Variants in CDH18 observed in about 807,000 individuals in gnomAD.
The protein encoded by CDH18 is cadherin 18.
A neutral mutation model predicts 67.9 loss-of-function variants in CDH18; 31 were observed. The observed-to-expected ratio is 0.46, with a 90% confidence interval of 0.34 to 0.62. The LOEUF (loss-of-function observed/expected upper bound fraction) is 0.62. Ranked by LOEUF, CDH18 falls within the 20% of genes least tolerant of loss-of-function variation. The pLI is 0.01. For missense variants in CDH18, 890 were observed against 975.5 expected, an observed-to-expected ratio of 0.91 and a Z score of 1.17; for synonymous variants, 362 against 347.2, an observed-to-expected ratio of 1.04 and a Z score of -0.48.
Position 20,337,939 on chromosome 5 carries a change from G to A in CDH18, c.-579-82434C>T, listed in dbSNP as rs373928055. ...CACAATCATGGTTGAAGGCAAAGAA[G>A]AGCAAGTCAAGTCTTACATGGATGG... On this transcript the variant is annotated intron_variant, in intron 1 of 14. Transcript: ENST00000507958. Among the ~76,000 whole-genome samples, 8 of 152,350 alleles carry A rather than the reference G, an allele frequency of 5.3e-5. 2 individuals carry two copies. The East Asian group carries it at 1.5e-3, about 29-fold the overall frequency.
At position 20,022,327 on chromosome 5, in the gene CDH18, A is replaced by G. The variant is rs4552603; in HGVS notation, c.-517-30313T>C. ...GGTAAGGTTTGGAACCTAATTTGCC[A>G]ATGTAAGGATTATGAAATACATTGC... On this transcript the variant is annotated intron_variant, in intron 2 of 14. Transcript: ENST00000507958. Among the ~76,000 whole-genome samples, 2,708 of 152,302 alleles carry G rather than the reference A, an allele frequency of 0.018. 183 individuals are homozygous for G. In the East Asian group the frequency reaches 0.25, roughly 14 times the overall value.
At chr5:20,036,019 T>C (rs1302350100) in intron 2 of CDH18, among the ~76,000 whole-genome samples, 1 of 152,050 alleles carries the variant, frequency 6.6e-6, no homozygotes, top group Non-Finnish European at 1.5e-5. Context: ...GAAGAACAGT[T>C]ATTGTATAAT....
rs1414018022 is a variant in CDH18 at position 20,020,032 on chromosome 5, T to C, written c.-517-28018A>G. 9.2e-5 allele frequency among the ~76,000 whole-genome samples: 14 copies of C among 152,322 alleles called. No homozygotes were observed. In the East Asian group the frequency reaches 2.3e-3, roughly 25 times the overall value. Reference sequence around the variant, plus strand: ...AGTAAATATCACTCTTGCTATGTTTTAGCAGAGACTGGTGGCATTTGTGCC... The same window carrying C: ...AGTAAATATCACTCTTGCTATGTTTCAGCAGAGACTGGTGGCATTTGTGCC... On this transcript the variant is annotated intron_variant, in intron 2 of 14. Transcript: ENST00000507958.
chr5:20,542,073 G>A (rs1319408142), intron 1 of CDH18, among the ~76,000 whole-genome samples: 2 of 152,190 alleles, frequency 1.3e-5, no homozygotes, highest in African/African-American at 2.4e-5. Flanking sequence ...AGCCTCCTGA[G>A]TAGCTGGGAC....
At chr5:20,192,909 G>A (rs1363680652) in intron 2 of CDH18, among the ~76,000 whole-genome samples, 52 of 152,202 alleles carry the variant, frequency 3.4e-4, no homozygotes, top group East Asian at 5.8e-4. Context: ...TAGTTTGATG[G>A]GAATAGCATT....
At chr5:20,268,418 G>A (rs1745203189) in intron 1 of CDH18, among the ~76,000 whole-genome samples, 1 of 152,022 alleles carries the variant, frequency 6.6e-6, no homozygotes, top group African/African-American at 2.4e-5. Context: ...TTCTATGTAG[G>A]ACTTCCTGCA....
chr5:19,909,600 A>G (rs1385343879), intron 2 of CDH18, among the ~76,000 whole-genome samples: 2 of 152,000 alleles, frequency 1.3e-5, no homozygotes. Flanking sequence ...CACTTCTGCT[A>G]TGTAGGAAAC....
At position 19,478,271 on chromosome 5, in the gene CDH18, A is replaced by G. The variant is rs181197559; in HGVS notation, c.1883-4555T>C. On this transcript the variant is annotated intron_variant, in intron 12 of 12. Transcript: ENST00000382275. ...ACATACTCCTCCCTAAGTAGCTTGC[A>G]TAGCAGAATTTTTTAAACCTCAAAT... 5.7e-4 allele frequency among the ~76,000 whole-genome samples: 87 copies of G among 152,286 alleles called. No individual in the cohort carries two copies. In the Middle Eastern group the frequency reaches 0.02, roughly 36 times the overall value.
chr5:19,639,333 T>C (rs561570738), intron 5 of CDH18, among the ~76,000 whole-genome samples: 12 of 152,192 alleles, frequency 7.9e-5, no homozygotes, highest in African/African-American at 2.9e-4. Context: ...AGTAAGGAAG[T>C]GCGAAGATGG....
At chr5:19,824,371 A>T (rs138302685) in intron 3 of CDH18, among the ~76,000 whole-genome samples, 2 of 152,266 alleles carry the variant, frequency 1.3e-5, no homozygotes, top group East Asian at 3.9e-4. Flanking sequence ...CACCATGGAG[A>T]CAGGAGAACC....
intron 1 of CDH18, among the ~76,000 whole-genome samples, chr5:20,295,089 A>G (rs1747382874): frequency 6.6e-6 from 1 of 152,220 alleles, no homozygotes; most frequent in Admixed American, 6.5e-5. Context: ...CCACAGGGCT[A>G]GTTTTCTCCA....
chr5:19,507,066 C>T (rs2126796569), intron 10 of CDH18, among the ~76,000 whole-genome samples: 1 of 152,178 alleles, frequency 6.6e-6, no homozygotes, highest in Admixed American at 6.6e-5. Flanking sequence ...AAGAAAAAAG[C>T]AAACAACCCC....
intron 4 of CDH18, among the ~76,000 whole-genome samples, chr5:19,743,991 A>G (rs1020820943): frequency 1.3e-5 from 2 of 151,818 alleles, no homozygotes; most frequent in African/African-American, 4.8e-5. Context: ...TATGAACACA[A>G]TATAAAGTGA....
intron 10 of CDH18, among the ~76,000 whole-genome samples, chr5:19,511,837 A>G (rs1042320405): frequency 6.6e-6 from 1 of 152,226 alleles, no homozygotes; most frequent in African/African-American, 2.4e-5. Context: ...ATGAAATAAA[A>G]AAGACAAAAC....
intron 2 of CDH18, among the ~76,000 whole-genome samples, chr5:19,911,547 T>C (rs1791148565): frequency 6.6e-6 from 1 of 151,910 alleles, no homozygotes; most frequent in Middle Eastern, 3.2e-3. Context: ...GTTATGACGG[T>C]GATGTTCCCA....
At chr5:20,127,838 C>T (rs993771466) in intron 2 of CDH18, among the ~76,000 whole-genome samples, 1 of 152,054 alleles carries the variant, frequency 6.6e-6, no homozygotes, top group African/African-American at 2.4e-5. Context: ...AATATCATGT[C>T]ATGTGTTTAT....
At chr5:19,831,697 T>A (rs567843314) in intron 3 of CDH18, among the ~76,000 whole-genome samples, 51 of 152,114 alleles carry the variant, frequency 3.4e-4, no homozygotes, top group African/African-American at 1.2e-3. Context: ...GTTAGAGATT[T>A]CTCAAAGAAC....
intron 2 of CDH18, among the ~76,000 whole-genome samples, chr5:20,006,310 T>A (rs1165867649): frequency 1.3e-5 from 2 of 151,892 alleles, no homozygotes; most frequent in African/African-American, 4.8e-5. Context: ...AGGGAGTTAA[T>A]AGATAAATAA....
intron 10 of CDH18, among the ~76,000 whole-genome samples, chr5:19,516,909 C>A (rs1367368081): frequency 6.6e-6 from 1 of 151,936 alleles, no homozygotes; most frequent in African/African-American, 2.4e-5. Flanking sequence ...TGGTTCCAGT[C>A]TGGGTTTTTT....
Sources: gnomAD v4.1 joint callset for allele counts (sites outside exome capture counted in the v4.1 genomes callset) on GRCh38, gnomAD v4.1.1 for gene constraint, MANE v1.5 for transcripts, NCBI Gene and HGNC (gene_info 2026-07-23, HGNC 2026-07-21) for gene names.